TRHDE: variants seen among roughly 807,000 people sequenced by gnomAD.
The protein encoded by TRHDE is thyrotropin releasing hormone degrading enzyme, also known as thyrotropin-releasing hormone-degrading ectoenzyme.
Under a neutral mutation model 125.7 loss-of-function variants are expected in TRHDE, and 72 were observed. The ratio of observed to expected loss-of-function variants is 0.57; its 90% CI spans 0.47 to 0.70. TRHDE has a LOEUF of 0.70. Among genes scored for constraint, TRHDE ranks in the 30% least tolerant of loss-of-function variants. The pLI, the probability that TRHDE is intolerant of heterozygous loss-of-function variation, is 0.00. For synonymous variants in TRHDE, 509 were observed against 509.1 expected, an observed-to-expected ratio of 1.00 and a Z score of 0.00; for missense variants, 1,110 against 1,327.1, an observed-to-expected ratio of 0.84 and a Z score of 2.54.
intron 12 of TRHDE, chr12:72,610,729 A>T (rs1217420498): frequency 6.6e-6 from 1 of 152,210 alleles, no homozygotes; most frequent in African/African-American, 2.4e-5. Flanking sequence ...GGTGCAGGGC[A>T]TCCGACTTTC....
At position 72,250,075 on chromosome 12, in the gene TRHDE, T is replaced by C. The variant is rs535382695; in HGVS notation, n.280-127920T>C. ...AAAGAATATTCACTTTTGCTTTCAC[T>C]TAAGTAAAATTCTAGAACAGACAAA... On this transcript the variant is annotated intron_variant and non_coding_transcript_variant, in intron 2 of 4. Transcript: ENST00000548156. Among the ~76,000 whole-genome samples the C allele has an allele frequency of 1.1e-4, 16 of 152,280 alleles. No individual in the cohort carries two copies. The South Asian group carries it at 2.5e-3, about 24-fold the overall frequency.
intron 2 of TRHDE, among the ~76,000 whole-genome samples, chr12:72,144,261 T>C (rs1219521925): frequency 2.6e-5 from 4 of 152,256 alleles, no homozygotes; most frequent in African/African-American, 9.6e-5. Context: ...TGCCAGACTC[T>C]GTCTCTTTCT....
chr12:72,602,861 C>T (rs1231912839), intron 12 of TRHDE, among the ~76,000 whole-genome samples: 1 of 152,122 alleles, frequency 6.6e-6, no homozygotes, highest in African/African-American at 2.4e-5. Flanking sequence ...CACAATTGCC[C>T]TTTAGCCACA....
intron 2 of TRHDE, among the ~76,000 whole-genome samples, chr12:72,222,181 C>T (rs1592489445): frequency 1.3e-5 from 2 of 152,212 alleles, no homozygotes; most frequent in East Asian, 3.9e-4. Context: ...AAAAAAAAGT[C>T]TGTCCAGATT....
At chr12:72,246,774 A>G (rs1435631923) in intron 2 of TRHDE, among the ~76,000 whole-genome samples, 1 of 152,160 alleles carries the variant, frequency 6.6e-6, no homozygotes, top group Non-Finnish European at 1.5e-5. Context: ...TGCTTTTGAA[A>G]CTTTTCCAAC....
At chr12:72,463,801 A>G (rs892226884) in intron 3 of TRHDE, among the ~76,000 whole-genome samples, 6 of 152,184 alleles carry the variant, frequency 3.9e-5, no homozygotes, top group Admixed American at 3.9e-4. Context: ...TTTGGAATAT[A>G]TTAGAGTGCA....
chr12:72,319,476 T>C (rs1868973377), intron 2 of TRHDE, among the ~76,000 whole-genome samples: 1 of 152,210 alleles, frequency 6.6e-6, no homozygotes, highest in African/African-American at 2.4e-5. Context: ...TTCTGCTCAA[T>C]ACTTAATCAA....
At chr12:72,500,698 A>G (rs2135936989) in intron 6 of TRHDE, among the ~76,000 whole-genome samples, 1 of 152,088 alleles carries the variant, frequency 6.6e-6, no homozygotes, top group East Asian at 1.9e-4. Flanking sequence ...AGCCTGGAAT[A>G]CTATTCTCGA....
chr12:72,392,161 A>G lies in TRHDE; in HGVS notation c.1315+14040A>G, dbSNP rs74537697. The stretch of plus-strand genomic sequence containing the variant: ...TCTCACACTTTTACCCTCTAGAACT[A>G]TAAGAAAATACATTTCTACTGTTTA... On this transcript the variant is annotated intron_variant, in intron 3 of 18. Transcript: ENST00000261180. Among the ~76,000 whole-genome samples the G allele has an allele frequency of 2.5e-3, 378 of 152,300 alleles. 7 individuals are homozygous for G. In the East Asian group the frequency reaches 0.027, roughly 11 times the overall value.
chr12:72,452,074 C>G (rs1875604547), intron 3 of TRHDE, among the ~76,000 whole-genome samples: 1 of 152,156 alleles, frequency 6.6e-6, no homozygotes, highest in African/African-American at 2.4e-5. Context: ...AGTGATCTGC[C>G]CGCATTGGCC....
At chr12:72,299,713 T>A (rs1034742531) in intron 2 of TRHDE, among the ~76,000 whole-genome samples, 1 of 152,180 alleles carries the variant, frequency 6.6e-6, no homozygotes, top group Non-Finnish European at 1.5e-5. Flanking sequence ...TTAACCTTAA[T>A]CAACTCAGTG....
At chr12:72,110,997 G>A (rs1875302591) in intron 2 of TRHDE, among the ~76,000 whole-genome samples, 1 of 152,230 alleles carries the variant, frequency 6.6e-6, no homozygotes, top group Admixed American at 6.6e-5. Flanking sequence ...TTTGTGAAAT[G>A]TGTCGTATAG....
At chr12:72,651,162 A>G (rs1260999986) in intron 15 of TRHDE, among the ~76,000 whole-genome samples, 1 of 152,150 alleles carries the variant, frequency 6.6e-6, no homozygotes, top group East Asian at 1.9e-4. Flanking sequence ...GTTTCTCCAA[A>G]TACTTTATTT....
At chr12:72,614,330 A>ATATATATATATATTTTT (rs531067163) in intron 12 of TRHDE, among the ~76,000 whole-genome samples, 4 of 129,858 alleles carry the variant, frequency 3.1e-5, no homozygotes, top group African/African-American at 1.2e-4. Flanking sequence ...ATATATATAT[A>ATATATATATATATTTTT]TTTTTTTTTT....
intron 1 of TRHDE, among the ~76,000 whole-genome samples, chr12:72,284,931 G>GA (rs1435040138): frequency 3.3e-5 from 5 of 152,074 alleles, no homozygotes. Flanking sequence ...TTCTACTAAT[G>GA]AAAAAACAGG....
At chr12:72,120,243 G>A (rs1875546000) in intron 2 of TRHDE, among the ~76,000 whole-genome samples, 1 of 151,960 alleles carries the variant, frequency 6.6e-6, no homozygotes, top group African/African-American at 2.4e-5. Context: ...TAGAGATGGG[G>A]TTTCACCATG....
intron 17 of TRHDE, among the ~76,000 whole-genome samples, chr12:72,655,654 A>G (rs1051853587): frequency 1.3e-5 from 2 of 152,166 alleles, no homozygotes; most frequent in African/African-American, 4.8e-5. Flanking sequence ...CTTCAAGTGG[A>G]TAGTATAATA....
intron 12 of TRHDE, among the ~76,000 whole-genome samples, chr12:72,617,468 C>T (rs780597831): frequency 7.9e-5 from 12 of 152,068 alleles, no homozygotes; most frequent in Non-Finnish European, 1.0e-4. Context: ...AAAAAGTCTC[C>T]GTTTCCTCCC....
At chr12:72,318,991 G>A (rs1868946968) in intron 2 of TRHDE, among the ~76,000 whole-genome samples, 1 of 152,194 alleles carries the variant, frequency 6.6e-6, no homozygotes, top group Non-Finnish European at 1.5e-5. Context: ...TAGGCGTGGA[G>A]AGAGGGCACA....
Sources: allele counts gnomAD v4.1 joint callset (sites outside exome capture counted in the v4.1 genomes callset), GRCh38; gene constraint gnomAD v4.1.1; transcripts MANE v1.5; gene names NCBI Gene and HGNC (gene_info 2026-07-23, HGNC 2026-07-21).